GTPBP1: variants seen among roughly 807,000 people sequenced by gnomAD.
GTPBP1 encodes GTP-binding protein 1.
In GTPBP1, 23 loss-of-function variants were observed where a neutral mutation model predicts 62.0. The observed-to-expected ratio is 0.37, with a 90% confidence interval of 0.27 to 0.53. The LOEUF (loss-of-function observed/expected upper bound fraction) is 0.53, where lower values mean the gene tolerates loss of function less well. Ranked by LOEUF, GTPBP1 falls within the 20% of genes least tolerant of loss-of-function variation. The pLI is 0.89. For missense variants in GTPBP1, 640 were observed against 917.3 expected (o/e 0.70, Z 3.90); for synonymous variants, 344 against 364.4 (o/e 0.94, Z 0.64).
At chr22:38,741,555 A>G, downstream of GTPBP1, 1 of 1,614,076 alleles carries the variant, frequency 6.2e-7, no homozygotes, top group Non-Finnish European at 8.5e-7. Flanking sequence ...CTCTGCTCTC[A>G]GGGCAGACAG....
At chr22:38,742,170 A>T, downstream of GTPBP1, 7 of 1,139,094 alleles carry the variant, frequency 6.1e-6, no homozygotes, top group East Asian at 2.6e-5. Context: ...AGAAAAAAAG[A>T]GAAAGGGAGT....
At chr22:38,741,416 G>T, downstream of GTPBP1, 1 of 1,441,682 alleles carries the variant, frequency 6.9e-7, no homozygotes. Flanking sequence ...CCTTTGGAAG[G>T]GCCGAGGGGT....
downstream of GTPBP1, chr22:38,742,743 G>A: frequency 1.5e-6 from 1 of 678,846 alleles, no homozygotes; most frequent in Non-Finnish European, 2.4e-6. Flanking sequence ...GGTGTGCTGG[G>A]AGCCAGGGAT....
chr22:38,726,522 G>A lies in GTPBP1; in HGVS notation c.1401+82G>A. On this transcript the variant is annotated intron_variant, in intron 8 of 11. Transcript: ENST00000216044. The surrounding 1 kb of genome is among the most constrained non-coding windows in gnomAD (Gnocchi z 4.1). Reference sequence around the variant, plus strand: ...CCAGATGCCCTGCTCACCCACTCTAGTCCTCATGGCTGCTCTGCAAGGTCG... The same window carrying A: ...CCAGATGCCCTGCTCACCCACTCTAATCCTCATGGCTGCTCTGCAAGGTCG... The A allele has an allele frequency of 8.4e-7, 1 of 1,191,774 alleles. No homozygotes were observed. The highest frequency in any genetic ancestry group is 1.2e-6 in the Non-Finnish European group (1 of 815,116). The allele number at this position is 1,191,774 out of a possible 1,614,324, so 73.8% of individuals were successfully genotyped here.
rs1054675441 is a variant in GTPBP1, at chr22:38,706,029, C to A, written c.74C>A (p.Ser25Tyr). The change falls in exon 1 of 12, where the codon TCC becomes TAC. Residue 25 changes from serine to tyrosine, a missense_variant. Physicochemically the swap from Ser to Tyr is moderately radical, Grantham distance 144. Coordinates refer to ENST00000216044, the MANE Select transcript of GTPBP1 (RefSeq NM_004286.5). ...TCTATGTTCGCCCCCGAGCCCAGCT[C>A]CCCGGGGGCGGCCAGGGCCGCGGCG... ...PASMFAPEPS[S>Y]PGAARAAAAA... is the part of the protein sequence containing the mutation. 7 of 1,400,986 alleles carry A rather than the reference C, an allele frequency of 5.0e-6. No homozygotes were observed. Among genetic ancestry groups the A allele is most frequent in the Non-Finnish European group, 4.6e-6 (5 of 1,077,514 alleles). 86.8% of individuals were successfully genotyped at this position (1,400,986 alleles called of 1,614,324 possible).
At chr22:38,734,023 G>A, downstream of GTPBP1, 1 of 249,220 alleles carries the variant, frequency 4.0e-6, no homozygotes, top group Non-Finnish European at 8.1e-6. Context: ...AGGACCAGCT[G>A]TCTCCCAAGA....
chr22:38,715,922 G>A lies in GTPBP1; in HGVS notation c.320G>A (p.Gly107Glu), dbSNP rs1236542958. Residue 107 changes from glycine to glutamate, a missense_variant, in exon 3 of 12, where the codon GGG becomes GAG. This residue lies in a region of GTPBP1 where 215 missense variants were observed against 235.1 expected (regional missense o/e 0.91). Transcript: ENST00000216044. ...TTGTCACCAGATGGGACTGAGTATG[G>A]GCTGAGTGAAGCTGACATGGAGGCC... ...IGQGSDGTEYGLSEADMEASY... is the reference protein window; with the variant it reads ...IGQGSDGTEYELSEADMEASY... 6.2e-7 allele frequency: 1 copy of A among 1,613,546 alleles called. No homozygotes were observed. The highest frequency in any genetic ancestry group is 8.5e-7 in the Non-Finnish European group (1 of 1,179,772).
rs767584699 is a variant in GTPBP1 at position 38,726,317 on chromosome 22, G to C, written c.1278G>C (p.Thr426=). Residue 426 remains threonine, a synonymous_variant, in exon 8 of 12, where the codon ACG becomes ACC. Coordinates refer to ENST00000216044, the MANE Select transcript of GTPBP1 (RefSeq NM_004286.5). This position sits in a 1 kb window ranked among gnomAD's most constrained non-coding sequence, Gnocchi z 4.1. ...GAGGCCTGATCAAGCTGAATGACAC[G>C]CTGCTGCTGGGCCCAGACCCCTTGG... is the stretch of plus-strand genomic sequence containing the variant. ...TLRGLIKLND[T]LLLGPDPLGN... is the part of the protein sequence containing the mutation. The C allele has an allele frequency of 6.2e-7, 1 of 1,614,048 alleles. No homozygotes were observed. The highest frequency in any genetic ancestry group is 8.5e-7 in the Non-Finnish European group (1 of 1,179,990).
chr22:38,721,695 A>G, intron 4 of GTPBP1, 47 bp from the exon 5 acceptor site: 2 of 1,568,922 alleles, frequency 1.3e-6, no homozygotes, highest in South Asian at 2.3e-5. Flanking sequence ...ACCCAGCAGC[A>G]ATCTCTTTCT....
chr22:38,741,001 C>T (rs762466396), downstream of GTPBP1: 131 of 1,591,206 alleles, frequency 8.2e-5, no homozygotes, highest in Non-Finnish European at 1.1e-4. Context: ...TGGTGGCGCC[C>T]AGTACCTTTG....
downstream of GTPBP1, chr22:38,742,163 AAAAAAG>A (rs1009310988): frequency 8.6e-7 from 1 of 1,158,180 alleles, no homozygotes; most frequent in African/African-American, 1.6e-5. Flanking sequence ...AAAAAAAAGA[AAAAAAG>A]AGAAAGGGAG....
downstream of GTPBP1, chr22:38,739,990 G>T (rs763103621): frequency 2.0e-5 from 32 of 1,582,052 alleles, no homozygotes; most frequent in East Asian, 6.7e-4. The surrounding 1 kb of genome is among the most constrained non-coding windows in gnomAD (Gnocchi z 6.7). Flanking sequence ...TGCAGGGACA[G>T]CAGGAGCTGC....
At chr22:38,736,528 C>T, downstream of GTPBP1, 1 of 599,530 alleles carries the variant, frequency 1.7e-6, no homozygotes, top group Non-Finnish European at 2.8e-6. Flanking sequence ...GCTTCAAAAG[C>T]TCCTATCTTT....
chr22:38,740,086 C>T (rs923102833), downstream of GTPBP1: 3 of 1,217,186 alleles, frequency 2.5e-6, no homozygotes, highest in Non-Finnish European at 3.4e-6. This position sits in a 1 kb window ranked among gnomAD's most constrained non-coding sequence, Gnocchi z 4.8. Flanking sequence ...ACTCCATGGG[C>T]ACTAACAAAA....
chr22:38,740,320 C>T (rs1410101305), downstream of GTPBP1: 6 of 1,602,872 alleles, frequency 3.7e-6, no homozygotes, highest in African/African-American at 1.3e-5. The surrounding 1 kb of genome is among the most constrained non-coding windows in gnomAD (Gnocchi z 4.8). Flanking sequence ...TCTTCCGCCA[C>T]CGAGCTCTGC....
Position 38,726,582 on chromosome 22 carries a change from T to C in GTPBP1, c.1401+142T>C. The stretch of plus-strand genomic sequence containing the variant: ...GCTTCATTTTTACAGATGAGGAAAC[T>C]GAGGCTCAGAGCCCAGGGACTTGCC... On this transcript the variant is annotated intron_variant, in intron 8 of 11. Transcript: ENST00000216044. The surrounding 1 kb of genome is among the most constrained non-coding windows in gnomAD (Gnocchi z 4.1). 1.4e-6 allele frequency: 1 copy of C among 715,358 alleles called. No individual in the cohort carries two copies. The highest frequency in any genetic ancestry group is 2.7e-5 in the East Asian group (1 of 37,512). The allele number at this position is 715,358 out of a possible 1,614,324, so 44.3% of individuals were successfully genotyped here.
chr22:38,710,919 C>G (rs2092635282), intron 2 of GTPBP1, among the ~76,000 whole-genome samples: 1 of 152,144 alleles, frequency 6.6e-6, no homozygotes, highest in South Asian at 2.1e-4. Context: ...GCAAACCCAC[C>G]CATGGCAAAG....
chr22:38,741,485 C>A (rs918399196), downstream of GTPBP1: 1 of 1,613,590 alleles, frequency 6.2e-7, no homozygotes, highest in African/African-American at 1.3e-5. Flanking sequence ...GTGCCGCAAG[C>A]CCGCTGACCT....
chr22:38,740,306 C>T (rs1479624128), downstream of GTPBP1: 3 of 1,604,138 alleles, frequency 1.9e-6, no homozygotes, highest in East Asian at 4.5e-5. The surrounding 1 kb of genome is among the most constrained non-coding windows in gnomAD (Gnocchi z 4.8). Flanking sequence ...GCAGCAGGCC[C>T]ACTTCTTCCG....
Sources: gnomAD v4.1 joint callset for allele counts (sites outside exome capture counted in the v4.1 genomes callset) on GRCh38, gnomAD v4.1.1 for gene constraint, gnomAD v4.1.1 regional missense constraint, Gnocchi (gnomAD v3.1) non-coding constraint, MANE v1.5 for transcripts, NCBI Gene and HGNC (gene_info 2026-07-23, HGNC 2026-07-21) for gene names.